KDM2B: variants seen among roughly 807,000 people sequenced by gnomAD.
KDM2B encodes lysine demethylase 2B, also known as lysine-specific demethylase 2B.
Under a neutral mutation model 150.0 loss-of-function variants are expected in KDM2B, and 26 were observed. The ratio of observed to expected loss-of-function variants is 0.17; its 90% CI spans 0.13 to 0.24. The LOEUF is 0.24. Ranked by LOEUF, KDM2B falls within the 10% of genes least tolerant of loss-of-function variation. The pLI, the probability that KDM2B is intolerant of heterozygous loss-of-function variation, is 1.00. For synonymous variants in KDM2B, 734 were observed against 729.5 expected (o/e 1.01, Z -0.10); for missense variants, 1,265 against 1,816.9 (o/e 0.70, Z 5.52).
upstream of KDM2B, among the ~76,000 whole-genome samples, chr12:121,582,242 T>C (rs1206330810): frequency 6.7e-6 from 1 of 150,282 alleles, no homozygotes; most frequent in Non-Finnish European, 1.5e-5. Flanking sequence ...TCACCCAGGA[T>C]CACATAGCGC....
chr12:121,529,385 A>G (rs562792722), intron 8 of KDM2B, among the ~76,000 whole-genome samples: 2 of 152,156 alleles, frequency 1.3e-5, no homozygotes, highest in Non-Finnish European at 2.9e-5. Flanking sequence ...TCAGTGTGGC[A>G]GGAGGAGAGG....
Position 121,429,916 on chromosome 12 carries a change from A to G in KDM2B, c.*372T>C, listed in dbSNP as rs1019846969. 4.9e-6 allele frequency: 3 copies of G among 616,732 alleles called. No individual in the cohort carries two copies. The highest frequency in any genetic ancestry group is 8.7e-6 in the Non-Finnish European group (3 of 343,026). 38.2% of individuals were successfully genotyped at this position (616,732 alleles called of 1,614,324 possible). On this transcript the variant is annotated 3_prime_UTR_variant, in exon 23 of 23. Coordinates refer to ENST00000377071, the MANE Select transcript of KDM2B (RefSeq NM_032590.5). ...GTGGTCCACTTTATGTCAACACCCA[A>G]AACCTCGGTGTTGCAAGGAATGAAG...
In KDM2B at chr12:121,560,153, G is replaced by A. The variant is rs542448877; in HGVS notation, c.398-10515C>T. On this transcript the variant is annotated intron_variant, in intron 4 of 22. Coordinates refer to ENST00000377071, the MANE Select transcript of KDM2B (RefSeq NM_032590.5). ...CCAAGGAGGTTGGGACTATGGGCAT[G>A]AGTCACCATGCCTGGCTTTATTTTC... Among the ~76,000 whole-genome samples, 6 of 151,974 alleles carry A rather than the reference G, an allele frequency of 3.9e-5. No homozygotes were observed. The South Asian group carries it at 1.0e-3, about 26-fold the overall frequency.
intron 4 of KDM2B, among the ~76,000 whole-genome samples, chr12:121,570,210 C>T (rs559264604): frequency 3.9e-5 from 6 of 152,104 alleles, no homozygotes; most frequent in East Asian, 3.9e-4. Context: ...CCACCATGAC[C>T]GGCTGATTTT....
intron 16 of KDM2B, 81 bp from the exon 17 acceptor site, chr12:121,443,874 G>A (rs904105102): frequency 3.6e-6 from 5 of 1,398,888 alleles, no homozygotes; most frequent in Non-Finnish European, 4.9e-6. Flanking sequence ...CAGGACTTAG[G>A]TGACCTGCTC....
intron 11 of KDM2B, among the ~76,000 whole-genome samples, chr12:121,507,515 G>A (rs1011034901): frequency 6.6e-6 from 1 of 152,200 alleles, no homozygotes; most frequent in Admixed American, 6.5e-5. Flanking sequence ...GGAAGTCTGC[G>A]CTGCTTGCGC....
chr12:121,420,772 A>C, the KDM2B span: 1 of 1,607,694 alleles, frequency 6.2e-7, no homozygotes, highest in Non-Finnish European at 8.5e-7. Context: ...AGAAAACCAA[A>C]AGTCCTGTAG....
Position 121,447,326 on chromosome 12 carries a change from G to A in KDM2B, c.1960-1908C>T, listed in dbSNP as rs1555290557. ...TGCAGTGGCACGGTCTCGACTCACTGCAACCTCTGCCTCCTGGGTTCAAGC... is the reference window on the plus strand; with the variant it reads ...TGCAGTGGCACGGTCTCGACTCACTACAACCTCTGCCTCCTGGGTTCAAGC... On this transcript the variant is annotated intron_variant, in intron 13 of 22. Transcript: ENST00000377071. Among the ~76,000 whole-genome samples the A allele has an allele frequency of 3.3e-5, 5 of 151,778 alleles. 1 individual carries two copies. Among genetic ancestry groups the A allele is most frequent in the Non-Finnish European group, 7.4e-5 (5 of 67,992 alleles).
rs537791230 is a variant in KDM2B, at chr12:121,442,353, C to T, written c.3088G>A (p.Val1030Met). The change falls in exon 19 of 23, where the codon GTG (valine) becomes ATG (methionine). Residue 1030 changes from valine to methionine, a missense_variant. Val to Met is a conservative substitution (Grantham distance 21). Coordinates refer to ENST00000377071, the MANE Select transcript of KDM2B (RefSeq NM_032590.5). This position sits in a 1 kb window ranked among gnomAD's most constrained non-coding sequence, Gnocchi z 7.7. ...ATCTGGATACACTTGGGCGGGGACACGGAGGGTGGGGGCCGGGAGATGACA... is the reference window on the plus strand; with the variant it reads ...ATCTGGATACACTTGGGCGGGGACATGGAGGGTGGGGGCCGGGAGATGACA... ...PRVISRPPPSVSPPKCIQMER... is the reference protein window; with the variant it reads ...PRVISRPPPSMSPPKCIQMER... 48 of 1,166,494 alleles carry T rather than the reference C, an allele frequency of 4.1e-5. No individual in the cohort carries two copies. Among genetic ancestry groups the T allele is most frequent in the Non-Finnish European group, 5.2e-5 (44 of 853,900 alleles). 72.3% of individuals were successfully genotyped at this position (1,166,494 alleles called of 1,614,324 possible).
intron 4 of KDM2B, among the ~76,000 whole-genome samples, chr12:121,550,513 T>C (rs1889404746): frequency 6.6e-6 from 1 of 152,090 alleles, no homozygotes; most frequent in Non-Finnish European, 1.5e-5. Flanking sequence ...TTTTTTAACT[T>C]TCCTTTTTAC....
chr12:121,447,793 G>C (rs1469742928), intron 13 of KDM2B, among the ~76,000 whole-genome samples: 1 of 151,454 alleles, frequency 6.6e-6, no homozygotes, highest in African/African-American at 2.4e-5. Context: ...TCAGCCTCCC[G>C]AGTAGCTGGG....
In KDM2B at chr12:121,478,866, T is replaced by TGTGTGTGTGTG. The variant is rs1881709324; in HGVS notation, c.1734+15712_1734+15713insCACACACACAC. ...CCACAACCGGCTAATTTTTGTTTGT[T>TGTGTGTGTGTG]TGTGTGTGTGTGTGTGTGTGTGTGT... On this transcript the variant is annotated intron_variant, in intron 12 of 22. Coordinates refer to ENST00000377071, the MANE Select transcript of KDM2B (RefSeq NM_032590.5). Among the ~76,000 whole-genome samples the TGTGTGTGTGTG allele has an allele frequency of 4.2e-4, 55 of 131,216 alleles. 2 individuals carry two copies. The East Asian group carries it at 7.8e-3, about 19-fold the overall frequency. 86.1% of individuals were successfully genotyped at this position (131,216 alleles called of 152,430 possible).
chr12:121,552,465 G>A (rs931896416), intron 4 of KDM2B, among the ~76,000 whole-genome samples: 5 of 152,086 alleles, frequency 3.3e-5, no homozygotes, highest in African/African-American at 1.2e-4. Context: ...CTGAGGTCAG[G>A]AGTTCAAGAC....
At position 121,442,575 on chromosome 12, in the gene KDM2B, G is replaced by A. The variant is rs199618487; in HGVS notation, c.2866C>T (p.His956Tyr). The change falls in exon 19 of 23, where the codon CAC (histidine) becomes TAC (tyrosine). Residue 956 changes from histidine to tyrosine, a missense_variant. Around this residue, in one of 11 missense-constraint regions of KDM2B, gnomAD observed 418 missense variants for 402.4 expected, o/e 1.04. Coordinates refer to ENST00000377071, the MANE Select transcript of KDM2B (RefSeq NM_032590.5). This position sits in a 1 kb window ranked among gnomAD's most constrained non-coding sequence, Gnocchi z 7.7. ...CTGTTCTCCGTCCTCTGGATCTCGTGGTTGAGCTCCTTGCTCAGCTCCCTG... is the reference window on the plus strand; with the variant it reads ...CTGTTCTCCGTCCTCTGGATCTCGTAGTTGAGCTCCTTGCTCAGCTCCCTG... ...LSRELSKELNHEIQRTENSLA... is the reference protein window; with the variant it reads ...LSRELSKELNYEIQRTENSLA... The A allele has an allele frequency of 1.3e-5, 21 of 1,601,140 alleles. No homozygotes were observed. In the African/African-American group the frequency reaches 2.7e-4, roughly 20 times the overall value.
At chr12:121,428,945 A>AAAG (rs1555284693), downstream of KDM2B, among the ~76,000 whole-genome samples, 3 of 151,862 alleles carry the variant, frequency 2.0e-5, no homozygotes, top group South Asian at 6.2e-4. Context: ...TCTTCTCCTT[A>AAAG]AAGAAGTCTG....
At chr12:121,579,944 A>G in intron 1 of KDM2B, 1 of 191,992 alleles carries the variant, frequency 5.2e-6, no homozygotes, top group Non-Finnish European at 9.1e-6. Flanking sequence ...AGAAACAACC[A>G]AAAAAAAAAA....
chr12:121,415,298 G>A, the KDM2B span: 1 of 382,346 alleles, frequency 2.6e-6, no homozygotes, highest in Non-Finnish European at 5.6e-6. Context: ...TTACAAATGC[G>A]AAAACAGAGG....
intron 12 of KDM2B, among the ~76,000 whole-genome samples, chr12:121,466,200 T>G (rs1879888631): frequency 6.6e-6 from 1 of 152,098 alleles, no homozygotes; most frequent in Non-Finnish European, 1.5e-5. Context: ...CCACCAGGAT[T>G]ATAAATAAGC....
At chr12:121,455,642 T>C (rs1878116144) in intron 12 of KDM2B, among the ~76,000 whole-genome samples, 1 of 152,038 alleles carries the variant, frequency 6.6e-6, no homozygotes, top group Non-Finnish European at 1.5e-5. Context: ...GAATTTGAGG[T>C]GGCAGTGAGC....
Sources: gnomAD v4.1 joint callset for allele counts (sites outside exome capture counted in the v4.1 genomes callset) on GRCh38, gnomAD v4.1.1 for gene constraint, gnomAD v4.1.1 regional missense constraint, Gnocchi (gnomAD v3.1) non-coding constraint, MANE v1.5 for transcripts, NCBI Gene and HGNC (gene_info 2026-07-23, HGNC 2026-07-21) for gene names.